NME7: variants seen among roughly 807,000 people sequenced by gnomAD.
NME7 encodes NME/NM23 family member 7, also known as nucleoside diphosphate kinase 7.
Under a neutral mutation model 49.1 loss-of-function variants are expected in NME7, and 41 were observed. The observed-to-expected ratio is 0.83, with a 90% CI of 0.65 to 1.08. The LOEUF (loss-of-function observed/expected upper bound fraction) is 1.08. Among genes scored for constraint, NME7 ranks in the 50% least tolerant of loss-of-function variants. The pLI is 0.00. For missense variants in NME7, 423 were observed against 463.4 expected, an observed-to-expected ratio of 0.91 and a Z score of 0.80; for synonymous variants, 139 against 150.6, an observed-to-expected ratio of 0.92 and a Z score of 0.56.
chr1:169,144,161 G>GT (rs1658686804), intron 11 of NME7, among the ~76,000 whole-genome samples: 1 of 152,062 alleles, frequency 6.6e-6, no homozygotes, highest in Non-Finnish European at 1.5e-5. Flanking sequence ...GATTGCTCCT[G>GT]TGAGTAGCTA....
At chr1:169,354,814 TATA>T (rs1457517338) in intron 1 of NME7, among the ~76,000 whole-genome samples, 1 of 136,558 alleles carries the variant, frequency 7.3e-6, no homozygotes, top group Non-Finnish European at 1.5e-5. Flanking sequence ...ATATAATAGA[TATA>T]ATATATATAA....
chr1:169,282,330 C>A (rs949472741), intron 7 of NME7, among the ~76,000 whole-genome samples: 1 of 151,874 alleles, frequency 6.6e-6, no homozygotes, highest in South Asian at 2.1e-4. Context: ...CTATTTGATT[C>A]TTCTCTCTTT....
At chr1:169,278,864 T>C (rs1649868212) in intron 7 of NME7, among the ~76,000 whole-genome samples, 1 of 152,170 alleles carries the variant, frequency 6.6e-6, no homozygotes, top group African/African-American at 2.4e-5. Flanking sequence ...GGGTTTTTGG[T>C]GTGGATGTTC....
At chr1:169,158,453 T>C (rs193215680) in intron 11 of NME7, among the ~76,000 whole-genome samples, 65 of 152,296 alleles carry the variant, frequency 4.3e-4, no homozygotes, top group African/African-American at 1.5e-3. Context: ...TCTGGAATTT[T>C]CCATTTTATA....
chr1:169,329,178 A>AC (rs1474721775), intron 1 of NME7, among the ~76,000 whole-genome samples: 1 of 152,020 alleles, frequency 6.6e-6, no homozygotes, highest in Admixed American at 6.5e-5. Flanking sequence ...AGTGCTAACA[A>AC]CAACAAAAAA....
At chr1:169,163,441 T>C (rs1192724914) in intron 11 of NME7, among the ~76,000 whole-genome samples, 4 of 152,136 alleles carry the variant, frequency 2.6e-5, no homozygotes, top group African/African-American at 9.7e-5. Context: ...CTACTTGTTA[T>C]CTTTAAAGGT....
intron 1 of NME7, among the ~76,000 whole-genome samples, chr1:169,365,454 C>T (rs1571425666): frequency 6.6e-6 from 1 of 152,142 alleles, no homozygotes; most frequent in East Asian, 1.9e-4. Context: ...TGCAAGTATT[C>T]TGTGTAGAAG....
intron 3 of NME7, among the ~76,000 whole-genome samples, chr1:169,316,244 CA>C (rs2101928160): frequency 6.6e-6 from 1 of 151,820 alleles, no homozygotes; most frequent in South Asian, 2.1e-4. Flanking sequence ...TGTCCAAAAA[CA>C]ACAATAATAA....
At chr1:169,205,353 T>C (rs1027448204) in intron 10 of NME7, among the ~76,000 whole-genome samples, 1 of 152,050 alleles carries the variant, frequency 6.6e-6, no homozygotes, top group African/African-American at 2.4e-5. Context: ...ATTACTCTCC[T>C]AAAATCAAGA....
chr1:169,188,399 A>T (rs1335079025), intron 10 of NME7, among the ~76,000 whole-genome samples: 2 of 152,198 alleles, frequency 1.3e-5, no homozygotes, highest in Admixed American at 1.3e-4. Context: ...AGCTTTGGAA[A>T]CTTGATTGTT....
At chr1:169,317,334 A>G (rs922174517) in intron 3 of NME7, among the ~76,000 whole-genome samples, 2 of 152,230 alleles carry the variant, frequency 1.3e-5, no homozygotes, top group Non-Finnish European at 2.9e-5. Flanking sequence ...TAGAATGGAA[A>G]GGCAGAATTC....
At chr1:169,321,570 T>A (rs983750676) in intron 3 of NME7, among the ~76,000 whole-genome samples, 70 of 152,182 alleles carry the variant, frequency 4.6e-4, no homozygotes, top group African/African-American at 1.6e-3. Context: ...TATTTATTTA[T>A]CTAATACCTG....
At chr1:169,162,051 T>C (rs983316596) in intron 11 of NME7, among the ~76,000 whole-genome samples, 1 of 151,868 alleles carries the variant, frequency 6.6e-6, no homozygotes, top group Non-Finnish European at 1.5e-5. Context: ...CACCCAGAGG[T>C]AGACTCAGCA....
chr1:169,208,849 A>G (rs1660742623), intron 10 of NME7, among the ~76,000 whole-genome samples: 1 of 152,072 alleles, frequency 6.6e-6, no homozygotes, highest in African/African-American at 2.4e-5. Flanking sequence ...GGTGATAATA[A>G]AGTAATACAA....
At position 169,277,346 on chromosome 1, in the gene NME7, A is replaced by T. The variant is rs1341214486; in HGVS notation, c.754+9957T>A. Reference sequence around the variant, plus strand: ...TAAGTCTCTTTGTAGGTCACTCAGGACTTGCTTTATGAATCTGGGTGCTCC... The same window carrying T: ...TAAGTCTCTTTGTAGGTCACTCAGGTCTTGCTTTATGAATCTGGGTGCTCC... On this transcript the variant is annotated intron_variant, in intron 7 of 11. Transcript: ENST00000367811. Among the ~76,000 whole-genome samples the T allele has an allele frequency of 1.3e-4, 18 of 142,300 alleles. No homozygotes were observed. The Admixed American group carries it at 1.3e-3, about 10-fold the overall frequency. The allele number at this position is 142,300 out of a possible 152,430, so 93.4% of individuals were successfully genotyped here.
intron 1 of NME7, among the ~76,000 whole-genome samples, chr1:169,364,926 A>G (rs1345992466): frequency 1.3e-5 from 2 of 152,214 alleles, no homozygotes; most frequent in Admixed American, 1.3e-4. Flanking sequence ...TTGCTTTTCT[A>G]TAATTTCTTA....
intron 1 of NME7, among the ~76,000 whole-genome samples, chr1:169,327,139 A>C (rs567893530): frequency 6.6e-6 from 1 of 152,334 alleles, no homozygotes; most frequent in African/African-American, 2.4e-5. Flanking sequence ...GGCCAACTCA[A>C]GAGAGAGAAA....
chr1:169,205,342 A>G (rs1644556045), intron 10 of NME7, among the ~76,000 whole-genome samples: 1 of 152,030 alleles, frequency 6.6e-6, no homozygotes, highest in Non-Finnish European at 1.5e-5. Context: ...TCCTTTCCTC[A>G]ATTACTCTCC....
intron 11 of NME7, among the ~76,000 whole-genome samples, chr1:169,138,831 G>A (rs879262584): frequency 2.6e-5 from 4 of 152,162 alleles, no homozygotes; most frequent in Non-Finnish European, 5.9e-5. Flanking sequence ...AAGCTGGAAG[G>A]TAATTATATC....
Sources: allele counts gnomAD v4.1 joint callset (sites outside exome capture counted in the v4.1 genomes callset), GRCh38; gene constraint gnomAD v4.1.1; transcripts MANE v1.5; gene names NCBI Gene and HGNC (gene_info 2026-07-23, HGNC 2026-07-21).